IFI16: variants seen among roughly 807,000 people sequenced by gnomAD.
IFI16 encodes interferon gamma inducible protein 16.
Under a neutral mutation model 68.4 loss-of-function variants are expected in IFI16, and 49 were observed. The observed-to-expected ratio is 0.72, with a 90% CI of 0.57 to 0.91. The LOEUF (loss-of-function observed/expected upper bound fraction) is 0.91. Among genes scored for constraint, IFI16 ranks in the 40% least tolerant of loss-of-function variants. The pLI is 0.00. For missense variants in IFI16, 878 were observed against 942.9 expected (o/e 0.93, Z 0.90); for synonymous variants, 307 against 315.0 (o/e 0.97, Z 0.27).
At chr1:159,042,853 C>CA (rs1304645777) in intron 7 of IFI16, among the ~76,000 whole-genome samples, 1 of 152,172 alleles carries the variant, frequency 6.6e-6, no homozygotes, top group African/African-American at 2.4e-5. Context: ...GCCCTGATAT[C>CA]ACCCCCTGTG....
intron 8 of IFI16, among the ~76,000 whole-genome samples, chr1:159,047,111 G>A (rs1384841857): frequency 6.6e-6 from 1 of 150,628 alleles, no homozygotes; most frequent in Non-Finnish European, 1.5e-5. Context: ...GGCAACTTGA[G>A]GGATAGGGAA....
chr1:159,050,300 G>T (rs990354717), intron 9 of IFI16, among the ~76,000 whole-genome samples: 6 of 152,094 alleles, frequency 3.9e-5, no homozygotes, highest in Non-Finnish European at 7.3e-5. Context: ...CCAGTATTCT[G>T]TGTATTTACA....
chr1:159,045,873 C>T (rs1458060703), intron 8 of IFI16, among the ~76,000 whole-genome samples: 3 of 150,938 alleles, frequency 2.0e-5, no homozygotes, highest in Non-Finnish European at 3.0e-5. Context: ...GGTACATAAG[C>T]AAAAATAATT....
intron 6 of IFI16, among the ~76,000 whole-genome samples, chr1:159,022,382 G>C (rs559467051): frequency 6.6e-6 from 1 of 152,250 alleles, no homozygotes; most frequent in African/African-American, 2.4e-5. Context: ...TATACTTTTT[G>C]TAGAAAGGGT....
intron 6 of IFI16, among the ~76,000 whole-genome samples, chr1:159,023,024 T>G (rs1327335982): frequency 6.6e-6 from 1 of 152,176 alleles, no homozygotes; most frequent in Non-Finnish European, 1.5e-5. Flanking sequence ...GATAAGTTTT[T>G]GTATAAAATT....
intron 3 of IFI16, among the ~76,000 whole-genome samples, chr1:159,016,235 C>T (rs1387589289): frequency 1.3e-5 from 2 of 152,282 alleles, no homozygotes; most frequent in East Asian, 1.9e-4. Flanking sequence ...GGAGTGTCAA[C>T]GTGAGAATCA....
chr1:159,053,971 T>G (rs2101941575), intron 11 of IFI16, among the ~76,000 whole-genome samples: 1 of 152,330 alleles, frequency 6.6e-6, no homozygotes, highest in Non-Finnish European at 1.5e-5. Flanking sequence ...TTGGTTGCTT[T>G]TACCACAATG....
chr1:159,024,361 C>T (rs559727970), intron 6 of IFI16, among the ~76,000 whole-genome samples: 23 of 152,052 alleles, frequency 1.5e-4, no homozygotes, highest in Non-Finnish European at 3.1e-4. Context: ...GCCATCTAAG[C>T]GACCAAGGGC....
At chr1:159,014,635 AC>A in intron 1 of IFI16, 25 bp from the exon 2 acceptor site, 1 of 1,473,174 alleles carries the variant, frequency 6.8e-7, no homozygotes, top group Non-Finnish European at 9.2e-7. Context: ...CATGTGTAAC[AC>A]TGTATATACC....
At chr1:159,018,081 C>T (rs749169641) in intron 4 of IFI16, 148 bp from the exon 5 acceptor site, 4 of 635,242 alleles carry the variant, frequency 6.3e-6, no homozygotes, top group Non-Finnish European at 1.1e-5. Context: ...TATCTTCTGC[C>T]CTGGCTCGCA....
intron 7 of IFI16, among the ~76,000 whole-genome samples, chr1:159,043,088 G>A (rs186224531): frequency 7.2e-5 from 11 of 152,250 alleles, no homozygotes; most frequent in African/African-American, 1.7e-4. Flanking sequence ...TTCTACATGT[G>A]GGTTTTCTCA....
intron 7 of IFI16, among the ~76,000 whole-genome samples, chr1:159,040,533 G>C (rs1218594572): frequency 6.6e-6 from 1 of 152,156 alleles, no homozygotes; most frequent in African/African-American, 2.4e-5. Flanking sequence ...TCTAAATTTA[G>C]AAATATACTC....
Position 159,016,005 on chromosome 1 carries a change from GAGCAGGCTTCAAGTCCCACAGAGGA to G in IFI16, c.381+22_381+46del. On this transcript the variant is annotated intron_variant, in intron 3 of 11. Coordinates refer to ENST00000295809, the MANE Select transcript of IFI16 (RefSeq NM_001376587.1). ...GAGCTCAGGTAAGCTTCAGGAAGAG[GAGCAGGCTTCAAGTCCCACAGAGGA>G]AGCTCTGCTACGGCTCTTCCACTCA... 1 of 1,553,118 alleles carries G rather than the reference GAGCAGGCTTCAAGTCCCACAGAGGA, an allele frequency of 6.4e-7. No homozygotes were observed. Among genetic ancestry groups the G allele is most frequent in the Non-Finnish European group, 8.9e-7 (1 of 1,125,180 alleles).
chr1:159,010,649 A>T (rs992088083), intron 1 of IFI16, among the ~76,000 whole-genome samples: 8 of 152,168 alleles, frequency 5.3e-5, no homozygotes, highest in South Asian at 2.1e-4. Flanking sequence ...AGAGTAGAAA[A>T]TTTTTTTCAG....
At chr1:159,032,076 T>C (rs995554071) in intron 6 of IFI16, among the ~76,000 whole-genome samples, 5 of 152,214 alleles carry the variant, frequency 3.3e-5, no homozygotes, top group Admixed American at 6.5e-5. Flanking sequence ...GTGCAATAGG[T>C]CCTATTGCTC....
chr1:159,016,715 G>T lies in IFI16; in HGVS notation c.549+15G>T. ...CTTCAACTGAGGTACACTCTTCCTG[G>T]TCCCATTTTGCTTTGTTTTTTTCAA... On this transcript the variant is annotated intron_variant, in intron 4 of 11. Transcript: ENST00000295809. 1 of 1,598,524 alleles carries T rather than the reference G, an allele frequency of 6.3e-7. No homozygotes were observed. Among genetic ancestry groups the T allele is most frequent in the Non-Finnish European group, 8.5e-7 (1 of 1,172,758 alleles).
chr1:159,025,046 G>T (rs1184486826), intron 6 of IFI16, among the ~76,000 whole-genome samples: 1 of 151,828 alleles, frequency 6.6e-6, no homozygotes, highest in Non-Finnish European at 1.5e-5. Flanking sequence ...TTTCAGGCTG[G>T]TGCTGGTGTA....
intron 7 of IFI16, among the ~76,000 whole-genome samples, chr1:159,033,802 G>A (rs1183681171): frequency 1.3e-5 from 2 of 152,204 alleles, no homozygotes; most frequent in African/African-American, 4.8e-5. Context: ...AACAAATGTG[G>A]CCAGTGGTGA....
upstream of IFI16, among the ~76,000 whole-genome samples, chr1:159,009,731 T>G (rs1235205328): frequency 2.0e-5 from 3 of 152,216 alleles, no homozygotes; most frequent in Non-Finnish European, 4.4e-5. Flanking sequence ...GTCAGAGATT[T>G]CAGTGTGCAC....
Sources: gnomAD v4.1 joint callset for allele counts (sites outside exome capture counted in the v4.1 genomes callset) on GRCh38, gnomAD v4.1.1 for gene constraint, MANE v1.5 for transcripts, NCBI Gene and HGNC (gene_info 2026-07-23, HGNC 2026-07-21) for gene names.